Variants in CMTM8 observed in about 807,000 individuals in gnomAD.
The protein encoded by CMTM8 is CKLF like MARVEL transmembrane domain containing 8.
A neutral mutation model predicts 18.6 loss-of-function variants in CMTM8; 12 were observed. The observed-to-expected ratio is 0.65, with a 90% CI of 0.41 to 1.05. The LOEUF is 1.05. Ranked by LOEUF, CMTM8 falls within the 50% of genes least tolerant of loss-of-function variation. The pLI, the probability that CMTM8 is intolerant of heterozygous loss-of-function variation, is 0.00. For synonymous variants in CMTM8, 87 were observed against 90.6 expected (o/e 0.96, Z 0.23); for missense variants, 217 against 227.2 (o/e 0.95, Z 0.29).
At chr3:32,314,861 G>C (rs529696770) in intron 1 of CMTM8, among the ~76,000 whole-genome samples, 1,034 of 75,970 alleles carry the variant, frequency 0.014, 11 homozygotes, top group African/African-American at 0.032. Context: ...TGGGTGGCGG[G>C]GGGGGTCCAA....
At chr3:32,245,597 T>C (rs1702001839) in intron 1 of CMTM8, among the ~76,000 whole-genome samples, 1 of 152,200 alleles carries the variant, frequency 6.6e-6, no homozygotes, top group South Asian at 2.1e-4. Flanking sequence ...TCGAAATGAA[T>C]TATAGTATCC....
chr3:32,279,457 CTGAGAAT>C (rs1702573657), intron 1 of CMTM8, among the ~76,000 whole-genome samples: 1 of 111,534 alleles, frequency 9.0e-6, no homozygotes. Flanking sequence ...CGATAGTTTA[CTGAGAAT>C]GATGGTTTCC....
chr3:32,344,002 A>G (rs925055925), intron 1 of CMTM8, among the ~76,000 whole-genome samples: 3 of 152,162 alleles, frequency 2.0e-5, no homozygotes, highest in African/African-American at 7.2e-5. Context: ...CGCCTGGCCA[A>G]GACCTGAGGT....
intron 1 of CMTM8, among the ~76,000 whole-genome samples, chr3:32,243,490 C>CACT (rs1295458525): frequency 2.8e-5 from 4 of 145,246 alleles, no homozygotes; most frequent in Non-Finnish European, 6.0e-5. Flanking sequence ...GGGATTGCGC[C>CACT]ACTGCATTCC....
chr3:32,251,331 T>G (rs1219114960), intron 1 of CMTM8, among the ~76,000 whole-genome samples: 5 of 152,024 alleles, frequency 3.3e-5, no homozygotes, highest in Non-Finnish European at 7.4e-5. Flanking sequence ...TCATTTTTTT[T>G]GAGACAGGGT....
rs147852901 is a variant in CMTM8 at position 32,332,361 on chromosome 3, A to G, written c.148-25012A>G. The stretch of plus-strand genomic sequence containing the variant: ...GTAGATAAGGAGGGTGACCTCTGCC[A>G]TGTGAGACCCAGCTGGAAGAGAGAG... On this transcript the variant is annotated intron_variant, in intron 1 of 3. Coordinates refer to ENST00000307526, the MANE Select transcript of CMTM8 (RefSeq NM_178868.5). 1.7e-3 allele frequency among the ~76,000 whole-genome samples: 256 copies of G among 152,214 alleles called. 2 individuals carry two copies. The highest frequency in any genetic ancestry group is 5.9e-3 in the African/African-American group (246 of 41,538).
chr3:32,355,919 C>A (rs1696806844), intron 1 of CMTM8, among the ~76,000 whole-genome samples: 1 of 152,226 alleles, frequency 6.6e-6, no homozygotes, highest in Admixed American at 6.5e-5. Context: ...ATTCTTCAGC[C>A]TGGACTTCTC....
chr3:32,336,541 A>G (rs1203236711), intron 1 of CMTM8, among the ~76,000 whole-genome samples: 2 of 152,252 alleles, frequency 1.3e-5, no homozygotes, highest in Non-Finnish European at 2.9e-5. Flanking sequence ...AAAGATAATC[A>G]TATCTCCATC....
In CMTM8 at chr3:32,370,031, G is replaced by C. The variant is rs1182056961; in HGVS notation, c.*64G>C. The C allele has an allele frequency of 3.6e-6, 3 of 828,436 alleles. No individual in the cohort carries two copies. Among genetic ancestry groups the C allele is most frequent in the Non-Finnish European group, 5.8e-6 (3 of 516,124 alleles). The allele number at this position is 828,436 out of a possible 1,614,324, so 51.3% of individuals were successfully genotyped here. ...ACTCTCACTGTAAAAACAGCTGTAGGTATAATGTATATTCCCAGAGAATTG... is the reference window on the plus strand; with the variant it reads ...ACTCTCACTGTAAAAACAGCTGTAGCTATAATGTATATTCCCAGAGAATTG... On this transcript the variant is annotated 3_prime_UTR_variant, in exon 4 of 4. Coordinates refer to ENST00000307526, the MANE Select transcript of CMTM8 (RefSeq NM_178868.5).
chr3:32,343,222 T>C (rs1293556315), intron 1 of CMTM8, among the ~76,000 whole-genome samples: 1 of 152,224 alleles, frequency 6.6e-6, no homozygotes, highest in Admixed American at 6.5e-5. Context: ...TGTCCTGGAC[T>C]TCTCTTCATT....
chr3:32,352,359 G>A (rs1159452757), intron 1 of CMTM8, among the ~76,000 whole-genome samples: 3 of 152,134 alleles, frequency 2.0e-5, no homozygotes, highest in Non-Finnish European at 4.4e-5. Flanking sequence ...ATTCATCAGT[G>A]GTTCTTCATG....
At chr3:32,282,621 C>T (rs1702624739) in intron 1 of CMTM8, among the ~76,000 whole-genome samples, 1 of 152,184 alleles carries the variant, frequency 6.6e-6, no homozygotes, top group Non-Finnish European at 1.5e-5. Flanking sequence ...CGACCCCCTA[C>T]ACCGGTCTGC....
chr3:32,347,033 T>C (rs1696608774), intron 1 of CMTM8, among the ~76,000 whole-genome samples: 1 of 151,764 alleles, frequency 6.6e-6, no homozygotes, highest in Non-Finnish European at 1.5e-5. Flanking sequence ...CTTCCTATGT[T>C]GCCCAGGCTA....
At chr3:32,300,073 G>A (rs1052764547) in intron 1 of CMTM8, among the ~76,000 whole-genome samples, 3 of 152,170 alleles carry the variant, frequency 2.0e-5, no homozygotes, top group African/African-American at 7.2e-5. Context: ...TCATACTTTT[G>A]CGTGACACAG....
chr3:32,331,037 A>G (rs1317978824), intron 1 of CMTM8, among the ~76,000 whole-genome samples: 2 of 152,204 alleles, frequency 1.3e-5, no homozygotes, highest in African/African-American at 4.8e-5. Context: ...ATCATTACAG[A>G]AAGGGAAAAG....
intron 1 of CMTM8, among the ~76,000 whole-genome samples, chr3:32,264,254 A>G (rs1702299993): frequency 6.6e-6 from 1 of 152,248 alleles, no homozygotes; most frequent in Middle Eastern, 3.2e-3. Context: ...CTGCTCTCTC[A>G]GCAGAAACTC....
chr3:32,255,595 T>C (rs1702165616), intron 1 of CMTM8, among the ~76,000 whole-genome samples: 1 of 152,242 alleles, frequency 6.6e-6, no homozygotes, highest in African/African-American at 2.4e-5. Flanking sequence ...TAGAAAGGGT[T>C]TGAAAGTGGT....
At chr3:32,267,260 C>A (rs1413939794) in intron 1 of CMTM8, among the ~76,000 whole-genome samples, 1 of 152,094 alleles carries the variant, frequency 6.6e-6, no homozygotes, top group South Asian at 2.1e-4. Context: ...GAGATATAGA[C>A]CAATGGAACA....
At chr3:32,317,231 C>T (rs1695950239) in intron 1 of CMTM8, among the ~76,000 whole-genome samples, 1 of 151,904 alleles carries the variant, frequency 6.6e-6, no homozygotes, top group Non-Finnish European at 1.5e-5. Context: ...GGAAAGGGCT[C>T]AGAGCTGCCT....
Sources: gnomAD v4.1 joint callset for allele counts (sites outside exome capture counted in the v4.1 genomes callset) on GRCh38, gnomAD v4.1.1 for gene constraint, MANE v1.5 for transcripts, NCBI Gene and HGNC (gene_info 2026-07-23, HGNC 2026-07-21) for gene names.